Variants in KCNH1 observed in about 807,000 individuals in gnomAD.
KCNH1 encodes potassium voltage-gated channel subfamily H member 1.
KCNH1 carries 27 observed loss-of-function variants against 69.2 expected under a neutral mutation model. That is an observed-to-expected ratio of 0.39 (90% confidence interval 0.29 to 0.54). The LOEUF (loss-of-function observed/expected upper bound fraction) is 0.54, where lower values mean the gene tolerates loss of function less well. Ranked by LOEUF, KCNH1 falls within the 20% of genes least tolerant of loss-of-function variation. The pLI is 0.68. For missense variants in KCNH1, 798 were observed against 1,261.6 expected (o/e 0.63, Z 5.57); for synonymous variants, 456 against 487.7 (o/e 0.93, Z 0.86).
rs1010341819 is a variant in KCNH1, at chr1:210,928,146, T to C, written c.1033-8077A>G. Among the ~76,000 whole-genome samples the C allele has an allele frequency of 2.0e-5, 3 of 151,772 alleles. 1 individual carries two copies. The South Asian group carries it at 6.2e-4, about 32-fold the overall frequency. On this transcript the variant is annotated intron_variant, in intron 6 of 10. Coordinates refer to ENST00000271751, the MANE Select transcript of KCNH1 (RefSeq NM_172362.3). ...TTAATACTCCACAGACAACACTAGATAGGTCATCAAGACAGAAAGTCAACA... is the reference window on the plus strand; with the variant it reads ...TTAATACTCCACAGACAACACTAGACAGGTCATCAAGACAGAAAGTCAACA...
Position 211,017,915 on chromosome 1 carries a change from G to A in KCNH1, c.1032+868C>T, listed in dbSNP as rs76530092. 3.8e-3 allele frequency among the ~76,000 whole-genome samples: 575 copies of A among 152,228 alleles called. 15 individuals are homozygous for A. In the South Asian group the frequency reaches 0.076, roughly 20 times the overall value. On this transcript the variant is annotated intron_variant, in intron 6 of 10. Transcript: ENST00000271751. Reference sequence around the variant, plus strand: ...AATAGGGCCTAATGGGAGGTGTTTGGGTCATGGGGGGTGGATCCCTCTTAA... The same window carrying A: ...AATAGGGCCTAATGGGAGGTGTTTGAGTCATGGGGGGTGGATCCCTCTTAA...
At chr1:210,730,195 A>G (rs1240910060) in intron 10 of KCNH1, among the ~76,000 whole-genome samples, 1 of 152,200 alleles carries the variant, frequency 6.6e-6, no homozygotes, top group Non-Finnish European at 1.5e-5. Flanking sequence ...AGTGTTTGCT[A>G]TTATTATGAT....
At chr1:210,799,854 G>A (rs901986127) in intron 8 of KCNH1, among the ~76,000 whole-genome samples, 1 of 152,112 alleles carries the variant, frequency 6.6e-6, no homozygotes, top group African/African-American at 2.4e-5. Context: ...CACCACTGAT[G>A]GCTTCACTTA....
chr1:210,866,161 C>G (rs149062567), intron 7 of KCNH1, among the ~76,000 whole-genome samples: 5 of 152,254 alleles, frequency 3.3e-5, no homozygotes, highest in African/African-American at 1.2e-4. Flanking sequence ...TGCTCTAAAA[C>G]TCTTAGATGA....
intron 7 of KCNH1, among the ~76,000 whole-genome samples, chr1:210,836,193 T>C (rs1199074272): frequency 6.6e-6 from 1 of 151,182 alleles, no homozygotes; most frequent in African/African-American, 2.4e-5. Context: ...TTTGAAAGCC[T>C]CTGAGCTAAA....
At chr1:211,131,996 A>ATTC (rs1691883859) in intron 1 of KCNH1, among the ~76,000 whole-genome samples, 1 of 152,214 alleles carries the variant, frequency 6.6e-6, no homozygotes, top group East Asian at 1.9e-4. Flanking sequence ...AATAGACAGT[A>ATTC]TTCTGCCTTC....
intron 1 of KCNH1, chr1:211,108,388 G>GTGTC (rs1451005994): frequency 1.1e-5 from 1 of 94,770 alleles, no homozygotes; most frequent in Non-Finnish European, 2.5e-5. Flanking sequence ...GGTATTATGT[G>GTGTC]TGTCTGTGTG....
At chr1:211,128,288 A>G (rs1691817955) in intron 1 of KCNH1, among the ~76,000 whole-genome samples, 1 of 151,668 alleles carries the variant, frequency 6.6e-6, no homozygotes, top group African/African-American at 2.4e-5. Context: ...GTCTCAAAAA[A>G]AAAAAAAAAA....
chr1:210,686,463 C>CTCTA (rs1316161124), intron 10 of KCNH1, among the ~76,000 whole-genome samples: 2 of 152,190 alleles, frequency 1.3e-5, no homozygotes, highest in Non-Finnish European at 2.9e-5. Context: ...CCTAGTTACT[C>CTCTA]TCTATCTTTT....
intron 9 of KCNH1, among the ~76,000 whole-genome samples, chr1:210,796,795 C>A (rs141750588): frequency 5.5e-4 from 83 of 152,266 alleles, no homozygotes; most frequent in Non-Finnish European, 9.6e-4. Flanking sequence ...AACATGCCTT[C>A]CACCTGGTCT....
At chr1:210,923,339 C>T (rs1422051581) in intron 6 of KCNH1, among the ~76,000 whole-genome samples, 1 of 152,226 alleles carries the variant, frequency 6.6e-6, no homozygotes, top group African/African-American at 2.4e-5. Flanking sequence ...CACTCCCACT[C>T]CTACTGCCTC....
chr1:210,968,113 C>A (rs186702825), intron 6 of KCNH1, among the ~76,000 whole-genome samples: 10 of 149,748 alleles, frequency 6.7e-5, no homozygotes, highest in Non-Finnish European at 1.2e-4. Flanking sequence ...TGAGAATATG[C>A]GGTGTTTGGT....
chr1:210,694,461 A>G (rs1375232843), intron 10 of KCNH1, among the ~76,000 whole-genome samples: 5 of 152,080 alleles, frequency 3.3e-5, no homozygotes, highest in Non-Finnish European at 1.5e-5. Flanking sequence ...TGGTGGGAGT[A>G]GGCAGTATTC....
intron 9 of KCNH1, among the ~76,000 whole-genome samples, chr1:210,791,228 G>T (rs17188617): frequency 0.17 from 26,544 of 152,222 alleles, 3,071 homozygotes; most frequent in Non-Finnish European, 0.26. Flanking sequence ...TGCCTTAGTT[G>T]CTTCCTCACG....
intron 7 of KCNH1, among the ~76,000 whole-genome samples, chr1:210,867,324 T>C (rs917527923): frequency 2.8e-5 from 4 of 141,056 alleles, no homozygotes; most frequent in Non-Finnish European, 4.6e-5. Context: ...ATTATATGTA[T>C]ATGTTTACAC....
intron 5 of KCNH1, among the ~76,000 whole-genome samples, chr1:211,025,542 G>T: frequency 6.6e-6 from 1 of 152,134 alleles, no homozygotes; most frequent in East Asian, 1.9e-4. Flanking sequence ...GAATTGTTGG[G>T]AAAAGCTGAG....
chr1:210,853,711 A>G (rs1273475912), intron 7 of KCNH1, among the ~76,000 whole-genome samples: 1 of 152,114 alleles, frequency 6.6e-6, no homozygotes, highest in African/African-American at 2.4e-5. Flanking sequence ...TCTTGCCAGG[A>G]CCCTGGTTTG....
chr1:210,950,341 G>A (rs1487506450), intron 6 of KCNH1, among the ~76,000 whole-genome samples: 5 of 139,038 alleles, frequency 3.6e-5, no homozygotes, highest in African/African-American at 1.4e-4. Context: ...CTAGCATTAG[G>A]TATATCTCCC....
intron 7 of KCNH1, among the ~76,000 whole-genome samples, chr1:210,834,956 G>A (rs773805537): frequency 3.3e-5 from 5 of 152,136 alleles, no homozygotes; most frequent in Non-Finnish European, 7.4e-5. Flanking sequence ...AGCTAAGACA[G>A]CTACCTTGTA....
Sources: gnomAD v4.1 joint callset for allele counts (sites outside exome capture counted in the v4.1 genomes callset) on GRCh38, gnomAD v4.1.1 for gene constraint, MANE v1.5 for transcripts, NCBI Gene and HGNC (gene_info 2026-07-23, HGNC 2026-07-21) for gene names.